AFG2A: variants seen among roughly 807,000 people sequenced by gnomAD.
The protein encoded by AFG2A is AAA ATPase AFG2A.
At chr4:123,265,307 C>T in the AFG2A span, among the ~76,000 whole-genome samples, 50 of 152,080 alleles carry the variant, frequency 3.3e-4, no homozygotes, top group African/African-American at 1.1e-3. Flanking sequence ...ATACAGCAGC[C>T]GACTTTTTCC....
chr4:123,282,810 G>C, the AFG2A span, among the ~76,000 whole-genome samples: 4,745 of 147,168 alleles, frequency 0.032, 240 homozygotes, highest in African/African-American at 0.11. Context: ...AAGCAGGGGG[G>C]AGAAAAGAAG....
At chr4:122,949,766 A>C in the AFG2A span, among the ~76,000 whole-genome samples, 1 of 152,200 alleles carries the variant, frequency 6.6e-6, no homozygotes, top group African/African-American at 2.4e-5. Context: ...AGAGGAAGAC[A>C]GTGGAGGTAT....
chr4:122,963,855 G>A, the AFG2A span, among the ~76,000 whole-genome samples: 1 of 152,100 alleles, frequency 6.6e-6, no homozygotes, highest in Non-Finnish European at 1.5e-5. Context: ...CCATAAAAGA[G>A]GGATAAATAT....
chr4:122,977,040 C>G, the AFG2A span, among the ~76,000 whole-genome samples: 1 of 152,222 alleles, frequency 6.6e-6, no homozygotes, highest in Admixed American at 6.5e-5. Flanking sequence ...CTTCCAACCT[C>G]TCATCCCCTC....
chr4:123,048,703 T>G, the AFG2A span, among the ~76,000 whole-genome samples: 1 of 152,164 alleles, frequency 6.6e-6, no homozygotes, highest in Non-Finnish European at 1.5e-5. Context: ...GTGCTACTGA[T>G]TTTTGTATGT....
chr4:122,945,022 C>T, the AFG2A span, among the ~76,000 whole-genome samples: 8 of 152,190 alleles, frequency 5.3e-5, no homozygotes, highest in Non-Finnish European at 7.3e-5. Context: ...AATACCCGGC[C>T]GTGTGAGGTG....
the AFG2A span, chr4:123,090,448 C>G: frequency 9.8e-7 from 1 of 1,023,436 alleles, no homozygotes; most frequent in African/African-American, 1.6e-5. Flanking sequence ...AATAAAGTCT[C>G]AAATGCATAC....
At chr4:123,135,920 C>A in the AFG2A span, among the ~76,000 whole-genome samples, 1 of 152,010 alleles carries the variant, frequency 6.6e-6, no homozygotes, top group Non-Finnish European at 1.5e-5. Flanking sequence ...TCAACCTACA[C>A]AAACCAGTAG....
the AFG2A span, among the ~76,000 whole-genome samples, chr4:123,249,688 T>C: frequency 8.5e-5 from 13 of 152,216 alleles, no homozygotes; most frequent in Admixed American, 1.3e-4. Context: ...GAGCTTACAG[T>C]GTTGAATAAA....
At chr4:122,957,464 CAAGTGCTATAGAATAG>C in the AFG2A span, among the ~76,000 whole-genome samples, 3 of 152,162 alleles carry the variant, frequency 2.0e-5, no homozygotes, top group Non-Finnish European at 4.4e-5. Flanking sequence ...GACTATGTTC[CAAGTGCTATAGAATAG>C]GCATAAGTGT....
the AFG2A span, among the ~76,000 whole-genome samples, chr4:123,201,427 T>A: frequency 1.3e-5 from 2 of 152,332 alleles, no homozygotes; most frequent in East Asian, 3.9e-4. Context: ...GATATTTGAT[T>A]GAAAACAAAC....
the AFG2A span, among the ~76,000 whole-genome samples, chr4:123,294,153 C>T: frequency 3.3e-5 from 5 of 152,116 alleles, no homozygotes; most frequent in Admixed American, 6.5e-5. Context: ...AGTGATGTTG[C>T]GTGGAGCTGA....
the AFG2A span, among the ~76,000 whole-genome samples, chr4:123,226,105 CTT>C: frequency 1.3e-5 from 2 of 152,076 alleles, no homozygotes; most frequent in Admixed American, 1.3e-4. Context: ...CTTAAGGAGA[CTT>C]TGGGCTGAGA....
the AFG2A span, among the ~76,000 whole-genome samples, chr4:122,937,070 G>A: frequency 2.0e-5 from 3 of 152,090 alleles, no homozygotes; most frequent in Non-Finnish European, 2.9e-5. Flanking sequence ...GAGGATCACT[G>A]AGCTGGGAGA....
chr4:123,300,743 GT>G, the AFG2A span, among the ~76,000 whole-genome samples: 19 of 73,308 alleles, frequency 2.6e-4, no homozygotes, highest in African/African-American at 5.8e-4. Context: ...ATTATCCTAT[GT>G]TTTTTTTGTT....
At chr4:123,025,284 C>G in the AFG2A span, among the ~76,000 whole-genome samples, 1 of 152,156 alleles carries the variant, frequency 6.6e-6, no homozygotes, top group Non-Finnish European at 1.5e-5. Context: ...AGAGACACAG[C>G]AAGTAGATAC....
chr4:122,925,942 T>C, the AFG2A span, among the ~76,000 whole-genome samples: 1 of 152,246 alleles, frequency 6.6e-6, no homozygotes. Flanking sequence ...ACTATCTTGT[T>C]AGTTAATGTG....
the AFG2A span, among the ~76,000 whole-genome samples, chr4:123,059,037 C>T: frequency 7.2e-5 from 11 of 152,048 alleles, no homozygotes; most frequent in East Asian, 3.8e-4. Context: ...TAAATACACC[C>T]GTTCCAAATG....
the AFG2A span, among the ~76,000 whole-genome samples, chr4:123,060,205 A>G: frequency 6.6e-6 from 1 of 152,196 alleles, no homozygotes; most frequent in African/African-American, 2.4e-5. Flanking sequence ...ACATGGTGCC[A>G]CAGGCACATG....
Sources: allele counts gnomAD v4.1 joint callset (sites outside exome capture counted in the v4.1 genomes callset), GRCh38; gene constraint gnomAD v4.1.1; transcripts MANE v1.5; gene names NCBI Gene and HGNC (gene_info 2026-07-23, HGNC 2026-07-21).